LCN2: variants seen among roughly 807,000 people sequenced by gnomAD.
LCN2 encodes lipocalin 2, also known as neutrophil gelatinase-associated lipocalin.
LCN2 carries 27 observed loss-of-function variants against 26.4 expected under a neutral mutation model. That is an observed-to-expected ratio of 1.02 (90% CI 0.76 to 1.41). The LOEUF is 1.41. Among genes scored for constraint, LCN2 ranks in the 40% most tolerant of loss-of-function variants. LCN2 has a pLI of 0.00. For synonymous variants in LCN2, 94 were observed against 98.9 expected, an observed-to-expected ratio of 0.95 and a Z score of 0.30; for missense variants, 224 against 237.6, an observed-to-expected ratio of 0.94 and a Z score of 0.38.
At chr9:128,150,425 C>T in intron 2 of LCN2, 51 bp downstream of exon 2, 1 of 1,612,068 alleles carries the variant, frequency 6.2e-7, no homozygotes, top group Non-Finnish European at 8.5e-7. Flanking sequence ...ACGTCACAGG[C>T]AAGGGATGGC....
chr9:128,149,852 C>A (rs12000051), intron 1 of LCN2, among the ~76,000 whole-genome samples, 189 bp downstream of exon 1: 3,574 of 148,388 alleles, frequency 0.024, 143 homozygotes, highest in African/African-American at 0.084. Flanking sequence ...TCCCCACCCC[C>A]TCTCAGCCTG....
chr9:128,151,558 C>A, intron 2 of LCN2, 80 bp from the exon 3 acceptor site: 1 of 1,117,992 alleles, frequency 8.9e-7, no homozygotes, highest in Non-Finnish European at 1.4e-6. Context: ...CCTGCTGCTG[C>A]CCTGGCCCCA....
intron 5 of LCN2, among the ~76,000 whole-genome samples, chr9:128,152,647 C>T (rs913130329): frequency 2.0e-5 from 3 of 152,200 alleles, no homozygotes; most frequent in Non-Finnish European, 2.9e-5. Flanking sequence ...CCCTCCCAGG[C>T]CTCGTCACCC....
chr9:128,152,016 A>G lies in LCN2; in HGVS notation c.466A>G (p.Thr156Ala). The change falls in exon 4 of 7, where the codon ACC becomes GCC. Residue 156 changes from threonine to alanine, a missense_variant. By Grantham distance (58) the Thr-to-Ala change is moderately conservative. Transcript: ENST00000277480. The stretch of plus-strand genomic sequence containing the variant: ...TCAAAACAGGGAGTACTTCAAGATC[A>G]CCCTCTACGGTGGGTCCTCTCCCAT... ...VSQNREYFKI[T>A]LYGRTKELTS... The G allele has an allele frequency of 6.2e-7, 1 of 1,613,890 alleles. No homozygotes were observed.
At chr9:128,152,490 C>A (rs1189299751) in intron 5 of LCN2, among the ~76,000 whole-genome samples, 1 of 152,192 alleles carries the variant, frequency 6.6e-6, no homozygotes, top group Non-Finnish European at 1.5e-5. Context: ...GGGACCCAGG[C>A]CGCAAGTGCT....
Position 128,151,295 on chromosome 9 carries a change from G to T in LCN2, c.276-343G>T, listed in dbSNP as rs12006027. 7.3e-3 allele frequency among the ~76,000 whole-genome samples: 1,115 copies of T among 152,094 alleles called. 14 individuals are homozygous for T. The highest frequency in any genetic ancestry group is 0.025 in the African/African-American group (1,053 of 41,422). Reference sequence around the variant, plus strand: ...GGGAAGCAGCAAGCTGAGTGCAGGGGAGAAATGCAGGGTTTCTGTGTGTTG... The same window carrying T: ...GGGAAGCAGCAAGCTGAGTGCAGGGTAGAAATGCAGGGTTTCTGTGTGTTG... On this transcript the variant is annotated intron_variant, in intron 2 of 6. Transcript: ENST00000277480.
At position 128,153,225 on chromosome 9, in the gene LCN2, G is replaced by A. The variant is rs1433980443; in HGVS notation, c.*8-86G>A. 13 of 1,393,486 alleles carry A rather than the reference G, an allele frequency of 9.3e-6. No homozygotes were observed. The highest frequency in any genetic ancestry group is 1.3e-5 in the Non-Finnish European group (13 of 984,620). 86.3% of individuals were successfully genotyped at this position (1,393,486 alleles called of 1,614,324 possible). On this transcript the variant is annotated intron_variant, in intron 6 of 6. Coordinates refer to ENST00000277480, the MANE Select transcript of LCN2 (RefSeq NM_005564.5). This position sits in a 1 kb window ranked among gnomAD's most constrained non-coding sequence, Gnocchi z 5.4. ...CCTTTGCTCATCCCCCTGCCCCCCA[G>A]CACTGCTGCTGTCTTTATTCTGCTG...
chr9:128,151,786 T>A (rs1329104646), intron 3 of LCN2, 69 bp downstream of exon 3: 1 of 1,583,010 alleles, frequency 6.3e-7, no homozygotes, highest in East Asian at 2.3e-5. Context: ...CAGACCTTCC[T>A]GCCCCTCCAC....
intron 2 of LCN2, 51 bp downstream of exon 2, chr9:128,150,425 C>A: frequency 6.2e-7 from 1 of 1,612,068 alleles, no homozygotes; most frequent in South Asian, 1.1e-5. Flanking sequence ...ACGTCACAGG[C>A]AAGGGATGGC....
intron 3 of LCN2, 64 bp from the exon 4 acceptor site, chr9:128,151,842 G>A: frequency 3.1e-6 from 5 of 1,606,952 alleles, no homozygotes; most frequent in South Asian, 1.1e-5. Flanking sequence ...GGGCTGGGGA[G>A]GGAGGGGACA....
Position 128,150,208 on chromosome 9 carries a change from T to C in LCN2, c.139-30T>C, listed in dbSNP as rs368867696. 5 of 1,602,362 alleles carry C rather than the reference T, an allele frequency of 3.1e-6. No homozygotes were observed. In the African/African-American group the frequency reaches 5.3e-5, roughly 17 times the overall value. ...GAGGGGTGGCTCCTAGGGCCATTCC[T>C]GGGTTGTGCCTCTTATCAGTCCCTT... On this transcript the variant is annotated intron_variant, in intron 1 of 6. Coordinates refer to ENST00000277480, the MANE Select transcript of LCN2 (RefSeq NM_005564.5).
chr9:128,153,268 TC>T lies in LCN2; in HGVS notation c.*8-40del. The stretch of plus-strand genomic sequence containing the variant: ...TTCTGCTGTCCCCATCTCGGGTGCC[TC>T]CCATTTCCCCACCCATCACCCTCAT... On this transcript the variant is annotated intron_variant, in intron 6 of 6. Coordinates refer to ENST00000277480, the MANE Select transcript of LCN2 (RefSeq NM_005564.5). The surrounding 1 kb of genome is among the most constrained non-coding windows in gnomAD (Gnocchi z 5.4). 2 of 987,958 alleles carry T rather than the reference TC, an allele frequency of 2.0e-6. No homozygotes were observed. Among genetic ancestry groups the T allele is most frequent in the Non-Finnish European group, 3.2e-6 (2 of 634,784 alleles). 61.2% of individuals were successfully genotyped at this position (987,958 alleles called of 1,614,324 possible).
At position 128,149,554 on chromosome 9, in the gene LCN2, T is replaced by C. The variant is rs777149856; in HGVS notation, c.29T>C (p.Leu10Pro). The C allele has an allele frequency of 6.2e-7, 1 of 1,613,872 alleles. No homozygotes were observed. The highest frequency in any genetic ancestry group is 1.1e-5 in the South Asian group (1 of 91,082). The part of the protein sequence containing the change: MPLGLLWLG[L>P]ALLGALHAQA... ...CCCCTAGGTCTCCTGTGGCTGGGCC[T>C]AGCCCTGTTGGGGGCTCTGCATGCC... Residue 10 changes from leucine to proline, a missense_variant, in exon 1 of 7, where the codon CTA becomes CCA. Coordinates refer to ENST00000277480, the MANE Select transcript of LCN2 (RefSeq NM_005564.5).
rs763550575 is a variant in LCN2, at chr9:128,149,502, G to T, written c.-24G>T. On this transcript the variant is annotated 5_prime_UTR_variant, in exon 1 of 7. Transcript: ENST00000277480. ...TGCCAGGCCCAGCAGCCACCACAGC[G>T]CCTGCTTCCTCGGCCCTGAAATCAT... is the stretch of plus-strand genomic sequence containing the variant. The T allele has an allele frequency of 1.4e-5, 22 of 1,578,790 alleles. No homozygotes were observed. Among genetic ancestry groups the T allele is most frequent in the Non-Finnish European group, 1.7e-5 (20 of 1,160,044 alleles).
intron 5 of LCN2, 65 bp downstream of exon 5, chr9:128,152,349 C>T (rs1829140875): frequency 8.0e-6 from 11 of 1,371,168 alleles, no homozygotes; most frequent in Non-Finnish European, 1.0e-5. Context: ...GCTTCCCTAC[C>T]AGGGATCAGG....
At position 128,151,689 on chromosome 9, in the gene LCN2, C is replaced by A. The variant is rs767897190; in HGVS notation, c.327C>A (p.Pro109=). 2 of 1,613,932 alleles carry A rather than the reference C, an allele frequency of 1.2e-6. No individual in the cohort carries two copies. The highest frequency in any genetic ancestry group is 1.7e-6 in the Non-Finnish European group (2 of 1,179,948). The change falls in exon 3 of 7, where the codon CCC becomes CCA. Residue 109 remains proline (P), a synonymous_variant. Coordinates refer to ENST00000277480, the MANE Select transcript of LCN2 (RefSeq NM_005564.5). The part of the protein sequence containing the change: ...WIRTFVPGCQ[P]GEFTLGNIKS... ...GGACTTTTGTTCCAGGTTGCCAGCC[C>A]GGCGAGTTCACGCTGGGCAACATTA...
rs371653139 is a variant in LCN2, at chr9:128,151,692, C to T, written c.330C>T (p.Gly110=). 8 of 1,613,930 alleles carry T rather than the reference C, an allele frequency of 5.0e-6. No individual in the cohort carries two copies. Among genetic ancestry groups the T allele is most frequent in the Non-Finnish European group, 5.1e-6 (6 of 1,179,906 alleles). Residue 110 remains glycine (G), a synonymous_variant, in exon 3 of 7, where the codon GGC becomes GGT. Transcript: ENST00000277480. ...CTTTTGTTCCAGGTTGCCAGCCCGG[C>T]GAGTTCACGCTGGGCAACATTAAGA... The part of the protein sequence containing the change: ...IRTFVPGCQP[G]EFTLGNIKSY...
chr9:128,150,496 C>T lies in LCN2; in HGVS notation c.275+122C>T, dbSNP rs760740868. On this transcript the variant is annotated intron_variant, in intron 2 of 6. Transcript: ENST00000277480. ...CTGCCCGGAATTCATCTGTGTTCAT[C>T]CTTCCTCTGTTCCTTAGAGCAACGT... 3.8e-6 allele frequency: 5 copies of T among 1,307,780 alleles called. No individual in the cohort carries two copies. The African/African-American group carries it at 7.3e-5, about 19-fold the overall frequency. 81.0% of individuals were successfully genotyped at this position (1,307,780 alleles called of 1,614,324 possible). A position where few individuals can be genotyped will look rare whatever the true frequency, so the allele number is the denominator to read the frequency against.
chr9:128,150,571 GCA>G (rs748752236), intron 2 of LCN2, 197 bp downstream of exon 2: 2 of 744,420 alleles, frequency 2.7e-6, no homozygotes, highest in Non-Finnish European at 4.7e-6. Context: ...GGATGGACAT[GCA>G]CAGTCGTTAG....
Sources: allele counts gnomAD v4.1 joint callset (sites outside exome capture counted in the v4.1 genomes callset), GRCh38; gene constraint gnomAD v4.1.1; non-coding constraint Gnocchi (gnomAD v3.1); transcripts MANE v1.5; gene names NCBI Gene and HGNC (gene_info 2026-07-23, HGNC 2026-07-21).